The following IQCH variants were observed in gnomAD, a reference collection of about 807,000 sequenced individuals.
The protein encoded by IQCH is IQ domain-containing protein H.
A neutral mutation model predicts 117.0 loss-of-function variants in IQCH; 98 were observed. That is an observed-to-expected ratio of 0.84 (90% CI 0.71 to 0.99). IQCH has a LOEUF of 0.99. Among genes scored for constraint, IQCH ranks in the 50% least tolerant of loss-of-function variants. The probability of loss-of-function intolerance (pLI) is 0.00; values close to 1 mark genes in which losing one functional copy is unlikely to be tolerated. For missense variants in IQCH, 1,102 were observed against 1,243.8 expected, an observed-to-expected ratio of 0.89 and a Z score of 1.72; for synonymous variants, 412 against 448.2, an observed-to-expected ratio of 0.92 and a Z score of 1.02.
intron 16 of IQCH, among the ~76,000 whole-genome samples, chr15:67,428,588 C>T (rs995732364): frequency 6.6e-6 from 1 of 152,120 alleles, no homozygotes; most frequent in South Asian, 2.1e-4. Flanking sequence ...CGGTGACTCA[C>T]ACCTGTAATC....
At position 67,426,468 on chromosome 15, in the gene IQCH, A is replaced by G. The variant is rs2081891900; in HGVS notation, c.2505+4891A>G. On this transcript the variant is annotated intron_variant, in intron 16 of 20. Transcript: ENST00000335894. This position sits in a 1 kb window ranked among gnomAD's most constrained non-coding sequence, Gnocchi z 5.1. ...TATCCTGCTTACTCTGATTTGGGGTACAATTACAATGTATCCACATTGTAT... is the reference window on the plus strand; with the variant it reads ...TATCCTGCTTACTCTGATTTGGGGTGCAATTACAATGTATCCACATTGTAT... Among the ~76,000 whole-genome samples, 1 of 152,206 alleles carries G rather than the reference A, an allele frequency of 6.6e-6. No individual in the cohort carries two copies. The highest frequency in any genetic ancestry group is 1.5e-5 in the Non-Finnish European group (1 of 68,036).
intron 4 of IQCH, among the ~76,000 whole-genome samples, chr15:67,308,427 C>T (rs1194259671): frequency 3.3e-5 from 5 of 152,056 alleles, no homozygotes; most frequent in Non-Finnish European, 5.9e-5. Context: ...TCCCTTTTCC[C>T]AGGAGCATTT....
rs1006748082 is a variant in IQCH, at chr15:67,405,462, G to C, written c.2097+5157G>C. The C allele has an allele frequency of 1.3e-5, 2 of 152,378 alleles. No individual in the cohort carries two copies. Among genetic ancestry groups the C allele is most frequent in the Admixed American group, 6.5e-5 (1 of 15,296 alleles). 9.4% of individuals were successfully genotyped at this position (152,378 alleles called of 1,614,324 possible). A position where few individuals can be genotyped will look rare whatever the true frequency, so the allele number is the denominator to read the frequency against. ...CTGCAGAGTACCTACTGGGTACCAG[G>C]TATTGTGCTAAGCACGTTACATGAA... On this transcript the variant is annotated intron_variant, in intron 14 of 20. Coordinates refer to ENST00000335894, the MANE Select transcript of IQCH (RefSeq NM_001031715.3). The surrounding 1 kb of genome is among the most constrained non-coding windows in gnomAD (Gnocchi z 4.8).
chr15:67,329,769 A>G (rs1034573680), intron 4 of IQCH, among the ~76,000 whole-genome samples: 1 of 152,040 alleles, frequency 6.6e-6, no homozygotes, highest in African/African-American at 2.4e-5. Flanking sequence ...GCACCTAGCC[A>G]AATTCTGGCT....
At chr15:67,337,425 T>C (rs748107951) in intron 5 of IQCH, among the ~76,000 whole-genome samples, 1 of 152,238 alleles carries the variant, frequency 6.6e-6, no homozygotes, top group Non-Finnish European at 1.5e-5. Flanking sequence ...ATTTTTGATA[T>C]ATTATTCTGG....
intron 4 of IQCH, among the ~76,000 whole-genome samples, chr15:67,287,353 C>A (rs1429261531): frequency 1.3e-5 from 2 of 151,968 alleles, no homozygotes; most frequent in Non-Finnish European, 2.9e-5. Context: ...GGTATTAGTT[C>A]TTTTTTAAAT....
chr15:67,483,144 C>A (rs1194087299), intron 18 of IQCH, among the ~76,000 whole-genome samples: 1 of 152,118 alleles, frequency 6.6e-6, no homozygotes, highest in Non-Finnish European at 1.5e-5. Flanking sequence ...CTAACTGTCA[C>A]TAAAAATGAT....
At chr15:67,345,435 A>G (rs1969345174) in intron 6 of IQCH, among the ~76,000 whole-genome samples, 1 of 152,224 alleles carries the variant, frequency 6.6e-6, no homozygotes, top group Admixed American at 6.5e-5. Flanking sequence ...TTCGCAATGG[A>G]GAAACCTGCA....
chr15:67,322,654 T>C (rs1054109592), intron 4 of IQCH, among the ~76,000 whole-genome samples: 1 of 152,192 alleles, frequency 6.6e-6, no homozygotes, highest in African/African-American at 2.4e-5. Context: ...AGCTTTTGCC[T>C]GTGTTCAGTT....
At chr15:67,419,094 C>A (rs1218996236) in intron 15 of IQCH, among the ~76,000 whole-genome samples, 1 of 152,130 alleles carries the variant, frequency 6.6e-6, no homozygotes, top group African/African-American at 2.4e-5. Flanking sequence ...TTCACCTCTA[C>A]CTCCTGTTCA....
intron 1 of IQCH, among the ~76,000 whole-genome samples, chr15:67,257,554 G>C (rs553087892): frequency 1.3e-5 from 2 of 152,300 alleles, no homozygotes; most frequent in Non-Finnish European, 2.9e-5. Context: ...AATACATCCA[G>C]TATGTATTGA....
intron 4 of IQCH, among the ~76,000 whole-genome samples, chr15:67,292,465 C>T (rs1028593719): frequency 1.3e-5 from 2 of 152,048 alleles, no homozygotes; most frequent in African/African-American, 4.8e-5. Flanking sequence ...GTTGCCCAGG[C>T]TGGTCTCAAA....
chr15:67,489,772 T>C (rs1410698073), intron 18 of IQCH, among the ~76,000 whole-genome samples: 2 of 151,536 alleles, frequency 1.3e-5, no homozygotes, highest in Admixed American at 6.6e-5. Flanking sequence ...ACAAGCACAC[T>C]AGATGATTCT....
chr15:67,444,053 G>A (rs543656672), intron 16 of IQCH, among the ~76,000 whole-genome samples: 2 of 152,092 alleles, frequency 1.3e-5, no homozygotes, highest in African/African-American at 4.8e-5. Context: ...GCACTGCACT[G>A]GATTGATAGT....
intron 4 of IQCH, among the ~76,000 whole-genome samples, chr15:67,313,230 A>G (rs35494569): frequency 0.039 from 6,002 of 152,320 alleles, 216 homozygotes; most frequent in South Asian, 0.18. Context: ...ACAGCCATGC[A>G]TGCTTTAGTA....
At position 67,389,104 on chromosome 15, in the gene IQCH, AT is replaced by A. The variant is rs1054321452; in HGVS notation, c.1632+100del. 1.6e-4 allele frequency: 142 copies of A among 907,102 alleles called. 1 individual carries two copies. The highest frequency in any genetic ancestry group is 1.0e-3 in the South Asian group (61 of 59,654). The allele number at this position is 907,102 out of a possible 1,614,324, so 56.2% of individuals were successfully genotyped here. On this transcript the variant is annotated intron_variant, in intron 12 of 20. Coordinates refer to ENST00000335894, the MANE Select transcript of IQCH (RefSeq NM_001031715.3). Reference sequence around the variant, plus strand: ...ACGCTCTGGTACACATCAGTGAAATATTATTGCAAGTTTAACAGCTTTACTG... The same window carrying A: ...ACGCTCTGGTACACATCAGTGAAATATATTGCAAGTTTAACAGCTTTACTG...
intron 6 of IQCH, among the ~76,000 whole-genome samples, chr15:67,352,883 A>G (rs1288582068): frequency 6.6e-6 from 1 of 152,118 alleles, no homozygotes; most frequent in Non-Finnish European, 1.5e-5. Context: ...ATTTAGTAGA[A>G]AACAGGAACA....
At chr15:67,398,600 C>A (rs1971541687) in intron 13 of IQCH, among the ~76,000 whole-genome samples, 2 of 152,034 alleles carry the variant, frequency 1.3e-5, no homozygotes, top group African/African-American at 4.8e-5. Context: ...AGTATAGTAT[C>A]CCCAGGAAGA....
chr15:67,264,504 G>C (rs1218353662), intron 3 of IQCH, among the ~76,000 whole-genome samples: 1 of 152,152 alleles, frequency 6.6e-6, no homozygotes, highest in Non-Finnish European at 1.5e-5. Flanking sequence ...ATAGTTACTG[G>C]CAGGCCTTTG....
Sources: allele counts gnomAD v4.1 joint callset (sites outside exome capture counted in the v4.1 genomes callset), GRCh38; gene constraint gnomAD v4.1.1; non-coding constraint Gnocchi (gnomAD v3.1); transcripts MANE v1.5; gene names NCBI Gene and HGNC (gene_info 2026-07-23, HGNC 2026-07-21).